Variants in NRG3 observed in about 807,000 individuals in gnomAD.
NRG3 encodes pro-neuregulin-3, membrane-bound isoform.
In NRG3, 31 loss-of-function variants were observed where a neutral mutation model predicts 66.9. The ratio of observed to expected loss-of-function variants is 0.46; its 90% CI spans 0.35 to 0.63. The LOEUF (loss-of-function observed/expected upper bound fraction) is 0.63. Ranked by LOEUF, NRG3 falls within the 20% of genes least tolerant of loss-of-function variation. The probability of loss-of-function intolerance (pLI) is 0.00; values close to 1 mark genes in which losing one functional copy is unlikely to be tolerated. For synonymous variants in NRG3, 393 were observed against 359.4 expected (o/e 1.09, Z -1.06); for missense variants, 910 against 878.9 (o/e 1.04, Z -0.45).
intron 1 of NRG3, among the ~76,000 whole-genome samples, chr10:81,965,251 A>T (rs767134806): frequency 1.6e-4 from 24 of 152,236 alleles, no homozygotes; most frequent in Non-Finnish European, 1.9e-4. Context: ...TCTGAGAAAA[A>T]TTTCTGTCTC....
chr10:82,663,497 A>G (rs1358846601), intron 2 of NRG3, among the ~76,000 whole-genome samples: 5 of 152,160 alleles, frequency 3.3e-5, no homozygotes, highest in African/African-American at 1.2e-4. Context: ...ATCCAAACCT[A>G]AGGAGTTAGC....
chr10:82,765,826 A>G (rs2059493387), intron 3 of NRG3, among the ~76,000 whole-genome samples: 1 of 152,168 alleles, frequency 6.6e-6, no homozygotes, highest in Non-Finnish European at 1.5e-5. Context: ...AATAAATATC[A>G]TCTATATGAA....
At chr10:82,050,718 A>G (rs1443107892) in intron 1 of NRG3, among the ~76,000 whole-genome samples, 1 of 151,858 alleles carries the variant, frequency 6.6e-6, no homozygotes, top group African/African-American at 2.4e-5. Flanking sequence ...CCAACCAGGT[A>G]CCACTTTAAC....
intron 3 of NRG3, among the ~76,000 whole-genome samples, chr10:82,812,284 A>C (rs1460802497): frequency 6.6e-6 from 1 of 152,188 alleles, no homozygotes; most frequent in Non-Finnish European, 1.5e-5. Flanking sequence ...ATTTCTGGTC[A>C]AAATGCTGAA....
intron 1 of NRG3, among the ~76,000 whole-genome samples, chr10:82,276,571 G>A (rs966602975): frequency 3.3e-5 from 5 of 152,082 alleles, no homozygotes; most frequent in Admixed American, 6.6e-5. Flanking sequence ...ATAAAATAAT[G>A]CAACCAATGT....
At position 82,673,917 on chromosome 10, in the gene NRG3, C is replaced by T. The variant is rs560257285; in HGVS notation, c.954-64660C>T. On this transcript the variant is annotated intron_variant, in intron 2 of 8. Coordinates refer to ENST00000372141, the MANE Select transcript of NRG3 (RefSeq NM_001010848.4). ...GAAAGAACATAGATCCAGGAGAGAA[C>T]GATCCTAGGGTTCAAGACTGAACCT... Among the ~76,000 whole-genome samples, 3 of 152,140 alleles carry T rather than the reference C, an allele frequency of 2.0e-5. No individual in the cohort carries two copies. In the South Asian group the frequency reaches 6.2e-4, roughly 32 times the overall value.
chr10:82,369,013 C>T (rs1405281831), intron 2 of NRG3, among the ~76,000 whole-genome samples: 1 of 138,672 alleles, frequency 7.2e-6, no homozygotes, highest in Non-Finnish European at 1.5e-5. Flanking sequence ...GATTCTTCCT[C>T]CAACCTAAGT....
intron 1 of NRG3, among the ~76,000 whole-genome samples, chr10:82,073,232 C>T (rs1590003331): frequency 6.6e-6 from 1 of 152,068 alleles, no homozygotes; most frequent in Non-Finnish European, 1.5e-5. Flanking sequence ...AGTTTCACTA[C>T]TTCTTAAGAT....
intron 2 of NRG3, among the ~76,000 whole-genome samples, chr10:82,451,182 C>T (rs1280736733): frequency 6.6e-6 from 1 of 152,032 alleles, no homozygotes; most frequent in Non-Finnish European, 1.5e-5. Flanking sequence ...TTATTTTTCC[C>T]ATTTTATAAT....
chr10:82,672,016 T>G (rs1417764338), intron 2 of NRG3, among the ~76,000 whole-genome samples: 2 of 152,216 alleles, frequency 1.3e-5, no homozygotes, highest in Non-Finnish European at 2.9e-5. Context: ...TCTTCTGTTT[T>G]CTTTCTAGGT....
intron 1 of NRG3, among the ~76,000 whole-genome samples, chr10:82,205,510 T>G (rs1400858397): frequency 1.3e-5 from 2 of 152,086 alleles, no homozygotes; most frequent in Admixed American, 1.3e-4. Context: ...AAGAGGTATA[T>G]GAATCAGGAC....
intron 2 of NRG3, among the ~76,000 whole-genome samples, chr10:82,429,079 C>T (rs1379380625): frequency 2.6e-5 from 4 of 151,940 alleles, no homozygotes; most frequent in African/African-American, 9.7e-5. Flanking sequence ...TAATTTATAA[C>T]AATCTAATTG....
chr10:81,989,092 A>G (rs1320943339), intron 1 of NRG3, among the ~76,000 whole-genome samples: 1 of 152,154 alleles, frequency 6.6e-6, no homozygotes, highest in Non-Finnish European at 1.5e-5. Flanking sequence ...ATCTGAATAT[A>G]TTAGATGGGG....
At chr10:82,967,832 G>T (rs891724118) in intron 6 of NRG3, among the ~76,000 whole-genome samples, 1 of 152,186 alleles carries the variant, frequency 6.6e-6, no homozygotes, top group Non-Finnish European at 1.5e-5. Context: ...TGAGAACCTG[G>T]TGTGGTTCCT....
At chr10:81,883,269 G>C (rs897005066) in intron 1 of NRG3, among the ~76,000 whole-genome samples, 6 of 152,086 alleles carry the variant, frequency 3.9e-5, no homozygotes, top group African/African-American at 7.2e-5. Context: ...TTTAATATTA[G>C]CATTTTGGAA....
At chr10:82,742,350 G>A (rs533408748) in intron 3 of NRG3, among the ~76,000 whole-genome samples, 84 of 152,226 alleles carry the variant, frequency 5.5e-4, no homozygotes, top group South Asian at 1.0e-3. Flanking sequence ...GTGGTTCAGA[G>A]CTGGGTCCTC....
intron 2 of NRG3, among the ~76,000 whole-genome samples, chr10:82,568,965 T>G (rs1407961795): frequency 6.6e-6 from 1 of 151,854 alleles, no homozygotes; most frequent in Non-Finnish European, 1.5e-5. Flanking sequence ...AATCTCTCCA[T>G]GCCAGTAAGC....
At chr10:81,997,868 T>G (rs1249160081) in intron 1 of NRG3, among the ~76,000 whole-genome samples, 1 of 55,154 alleles carries the variant, frequency 1.8e-5, no homozygotes, top group Non-Finnish European at 2.8e-5. Context: ...AAGGCCCAAC[T>G]TTTTTTTTTT....
At chr10:82,153,908 G>T (rs1322888439) in intron 1 of NRG3, among the ~76,000 whole-genome samples, 2 of 151,262 alleles carry the variant, frequency 1.3e-5, no homozygotes, top group African/African-American at 4.9e-5. Context: ...TTTTGATTTG[G>T]TTATTTCTTT....
Sources: gnomAD v4.1 joint callset for allele counts (sites outside exome capture counted in the v4.1 genomes callset) on GRCh38, gnomAD v4.1.1 for gene constraint, MANE v1.5 for transcripts, NCBI Gene and HGNC (gene_info 2026-07-23, HGNC 2026-07-21) for gene names.